ZDHHC11: variants seen among roughly 807,000 people sequenced by gnomAD.
ZDHHC11 encodes the protein palmitoyltransferase ZDHHC11.
In ZDHHC11, 44 loss-of-function variants were observed where a neutral mutation model predicts 51.3. The ratio of observed to expected loss-of-function variants is 0.86; its 90% CI spans 0.67 to 1.10. ZDHHC11 has a LOEUF of 1.10. Among genes scored for constraint, ZDHHC11 ranks in the 50% least tolerant of loss-of-function variants. ZDHHC11 has a pLI of 0.00. For missense variants in ZDHHC11, 400 were observed against 537.7 expected (o/e 0.74, Z 2.53); for synonymous variants, 163 against 222.0 (o/e 0.73, Z 2.36).
intron 11 of ZDHHC11, among the ~76,000 whole-genome samples, chr5:802,112 G>A (rs1193136244): frequency 1.3e-5 from 2 of 151,356 alleles, no homozygotes; most frequent in Non-Finnish European, 3.0e-5. Flanking sequence ...AGCAGTGGAT[G>A]CTCAGCTGGG....
chr5:816,809 T>C (rs1740858269), intron 10 of ZDHHC11: 1 of 477,062 alleles, frequency 2.1e-6, no homozygotes, highest in Admixed American at 2.7e-5. Context: ...CCCTCCAGTC[T>C]TAAAAGGTTT....
At chr5:836,663 C>T (rs1340056611) in intron 6 of ZDHHC11, among the ~76,000 whole-genome samples, 4 of 149,492 alleles carry the variant, frequency 2.7e-5, no homozygotes, top group Non-Finnish European at 6.0e-5. Flanking sequence ...GTAGTTTAGT[C>T]TCTTGGCTGT....
chr5:855,124 G>GC (rs1747987108), upstream of ZDHHC11, among the ~76,000 whole-genome samples: 1 of 146,052 alleles, frequency 6.8e-6, no homozygotes, highest in African/African-American at 2.5e-5. Flanking sequence ...GAGCCGCGGG[G>GC]ACAGACCCCA....
At chr5:800,089 C>T (rs991109342) in intron 12 of ZDHHC11, among the ~76,000 whole-genome samples, 2 of 151,560 alleles carry the variant, frequency 1.3e-5, no homozygotes, top group South Asian at 2.1e-4. Context: ...GTCCTACCCT[C>T]TTGTCCTCTA....
At chr5:828,222 A>G (rs540714658) in intron 7 of ZDHHC11, among the ~76,000 whole-genome samples, 1 of 151,454 alleles carries the variant, frequency 6.6e-6, no homozygotes, top group South Asian at 2.1e-4. Flanking sequence ...CGCCATTGTC[A>G]TCATGGCCCG....
rs59875075 is a variant in ZDHHC11 at position 856,696 on chromosome 5, C to A, written c.-1+2178G>T. Among the ~76,000 whole-genome samples the A allele has an allele frequency of 2.4e-3, 367 of 151,500 alleles. 1 individual carries two copies. Among genetic ancestry groups the A allele is most frequent in the African/African-American group, 8.7e-3 (358 of 41,242 alleles). On this transcript the variant is annotated intron_variant, in intron 1 of 3. Coordinates refer to the ZDHHC11 transcript ENST00000685990. ...ACAAGTACCAGACACCAACCACAAACGCATCACTCTCCCCATACCACACAG... is the reference window on the plus strand; with the variant it reads ...ACAAGTACCAGACACCAACCACAAAAGCATCACTCTCCCCATACCACACAG...
intron 5 of ZDHHC11, among the ~76,000 whole-genome samples, chr5:838,732 C>CA (rs1251044831): frequency 2.0e-5 from 3 of 152,280 alleles, no homozygotes; most frequent in African/African-American, 4.8e-5. Context: ...GTGCCTGGCT[C>CA]AGAGGACAGA....
At chr5:849,882 G>T (rs1429919952) in intron 1 of ZDHHC11, 1 of 159,016 alleles carries the variant, frequency 6.3e-6, no homozygotes, top group African/African-American at 2.4e-5. Context: ...CAGTCACCCT[G>T]CCTGGCCCCT....
At chr5:835,057 C>T (rs1561271028) in intron 6 of ZDHHC11, among the ~76,000 whole-genome samples, 1 of 151,570 alleles carries the variant, frequency 6.6e-6, no homozygotes, top group East Asian at 1.9e-4. Flanking sequence ...CTTTAATAGG[C>T]AGTGATTTTG....
intron 6 of ZDHHC11, among the ~76,000 whole-genome samples, chr5:836,284 C>T (rs1385298753): frequency 1.3e-5 from 2 of 150,340 alleles, no homozygotes; most frequent in African/African-American, 4.9e-5. Context: ...GCGTGGTTAC[C>T]GTTCTCTATT....
chr5:847,210 G>A (rs1304606144), intron 3 of ZDHHC11, among the ~76,000 whole-genome samples: 3 of 151,704 alleles, frequency 2.0e-5, no homozygotes, highest in Non-Finnish European at 4.4e-5. Flanking sequence ...GTGGAGAGAA[G>A]GCAGCCCAGC....
chr5:806,545 A>C (rs1393963030), intron 11 of ZDHHC11, among the ~76,000 whole-genome samples: 3 of 151,292 alleles, frequency 2.0e-5, no homozygotes, highest in Non-Finnish European at 3.0e-5. Flanking sequence ...ACTATATTGT[A>C]ATGCATGATC....
exon 1 of ZDHHC11, among the ~76,000 whole-genome samples, chr5:858,953 T>C (rs1748646041): frequency 6.6e-6 from 1 of 152,062 alleles, no homozygotes; most frequent in South Asian, 2.1e-4. Flanking sequence ...AGCGTCGCTC[T>C]CGCTAACTCC....
At position 807,024 on chromosome 5, in the gene ZDHHC11, G is replaced by A. The variant is rs527552994; in HGVS notation, c.1182-5860C>T. Among the ~76,000 whole-genome samples the A allele has an allele frequency of 5.6e-4, 84 of 151,172 alleles. 4 individuals are homozygous for A. Among genetic ancestry groups the A allele is most frequent in the African/African-American group, 2.0e-3 (84 of 41,208 alleles). On this transcript the variant is annotated intron_variant, in intron 11 of 12. Coordinates refer to ENST00000283441, the MANE Select transcript of ZDHHC11 (RefSeq NM_024786.3). ...GTTGCACCTGTACAACAGGAGATCT[G>A]TCAAGATCAAGCAGCACAGCTGGGT... is the stretch of plus-strand genomic sequence containing the variant.
At chr5:833,319 C>T (rs1208532873) in intron 7 of ZDHHC11, among the ~76,000 whole-genome samples, 2 of 150,940 alleles carry the variant, frequency 1.3e-5, no homozygotes, top group African/African-American at 4.8e-5. Context: ...CCAGCCCTGG[C>T]CCTGTTGGGT....
intron 11 of ZDHHC11, among the ~76,000 whole-genome samples, chr5:807,860 T>G (rs1739488453): frequency 6.6e-6 from 1 of 151,240 alleles, no homozygotes; most frequent in African/African-American, 2.5e-5. Flanking sequence ...ATCACTCTGC[T>G]AAGAGGAGCT....
intron 11 of ZDHHC11, among the ~76,000 whole-genome samples, chr5:802,976 G>A (rs921171347): frequency 1.4e-5 from 2 of 147,460 alleles, no homozygotes; most frequent in African/African-American, 2.5e-5. Context: ...AGCAGAGATT[G>A]TGCCACTGCA....
rs1561293031 is a variant in ZDHHC11, at chr5:843,938, G to GT, written c.504-215_504-214insA. On this transcript the variant is annotated intron_variant, in intron 3 of 12. Transcript: ENST00000283441. ...CACGCAGGGCATCTGAGGCAGGGGC[G>GT]GGGGCATGCAGGGCAGGTGGGGGGT... is the stretch of plus-strand genomic sequence containing the variant. Among the ~76,000 whole-genome samples the GT allele has an allele frequency of 5.3e-4, 60 of 113,558 alleles. 1 individual carries two copies. The highest frequency in any genetic ancestry group is 8.5e-3 in the Middle Eastern group (2 of 236). The allele number at this position is 113,558 out of a possible 152,430, so 74.5% of individuals were successfully genotyped here. A position where few individuals can be genotyped will look rare whatever the true frequency, so the allele number is the denominator to read the frequency against.
chr5:860,324 T>C (rs1748728462), upstream of ZDHHC11, among the ~76,000 whole-genome samples: 1 of 152,190 alleles, frequency 6.6e-6, no homozygotes, highest in Non-Finnish European at 1.5e-5. The surrounding 1 kb of genome is among the most constrained non-coding windows in gnomAD (Gnocchi z 4.2). Context: ...TCTTGTAGCC[T>C]GGAGTGGCTT....
Sources: allele counts gnomAD v4.1 joint callset (sites outside exome capture counted in the v4.1 genomes callset), GRCh38; gene constraint gnomAD v4.1.1; non-coding constraint Gnocchi (gnomAD v3.1); transcripts MANE v1.5; gene names NCBI Gene and HGNC (gene_info 2026-07-23, HGNC 2026-07-21).